LTBP1: variants seen among roughly 807,000 people sequenced by gnomAD.
LTBP1 encodes latent transforming growth factor beta binding protein 1.
LTBP1 carries 129 observed loss-of-function variants against 207.6 expected under a neutral mutation model. The ratio of observed to expected loss-of-function variants is 0.62; its 90% CI spans 0.54 to 0.72. The LOEUF (loss-of-function observed/expected upper bound fraction) is 0.72. Ranked by LOEUF, LTBP1 falls within the 30% of genes least tolerant of loss-of-function variation. The probability of loss-of-function intolerance (pLI) is 0.00; values close to 1 mark genes in which losing one functional copy is unlikely to be tolerated. For missense variants in LTBP1, 2,281 were observed against 2,217.2 expected (o/e 1.03, Z -0.58); for synonymous variants, 963 against 833.7 (o/e 1.16, Z -2.67).
chr2:33,257,179 T>G, intron 11 of LTBP1, 105 bp from the exon 12 acceptor site: 1 of 793,656 alleles, frequency 1.3e-6, no homozygotes, highest in African/African-American at 1.7e-5. Context: ...AAAATGTAAC[T>G]ACATTAGTGA....
intron 31 of LTBP1, 58 bp from the exon 32 acceptor site, chr2:33,389,118 TGCGAGGGG>T (rs1377996287): frequency 3.6e-5 from 58 of 1,606,094 alleles, no homozygotes; most frequent in Admixed American, 1.0e-4. Context: ...TGCTCTGAGC[TGCGAGGGG>T]GTGGGGCAGG....
chr2:33,264,704 T>G (rs2148098399), intron 15 of LTBP1, among the ~76,000 whole-genome samples: 1 of 152,330 alleles, frequency 6.6e-6, no homozygotes, highest in South Asian at 2.1e-4. Flanking sequence ...CAAATTAGTA[T>G]GTAAAACCCA....
rs2094719420 is a variant in LTBP1 at position 33,347,449 on chromosome 2, T to G, written c.3939T>G (p.Cys1313Trp). ...TGGAAGGGTCCTTCCTGTGCGTGTG[T>G]GCTGATGAAAACCAAGAGTACAGCC... ...ENVEGSFLCV[C>W]ADENQEYSPM... The change falls in exon 26 of 34, where the codon TGT becomes TGG. Residue 1313 changes from cysteine (C) to tryptophan (W), a missense_variant. By Grantham distance (215) the Cys-to-Trp change is radical (BLOSUM62 -2). Coordinates refer to ENST00000404816, the MANE Select transcript of LTBP1 (RefSeq NM_206943.4). The G allele has an allele frequency of 6.2e-7, 1 of 1,614,042 alleles. No homozygotes were observed. The highest frequency in any genetic ancestry group is 8.5e-7 in the Non-Finnish European group (1 of 1,180,034).
At chr2:33,089,433 T>C (rs1224987001) in intron 3 of LTBP1, among the ~76,000 whole-genome samples, 1 of 152,142 alleles carries the variant, frequency 6.6e-6, no homozygotes, top group Non-Finnish European at 1.5e-5. Flanking sequence ...TCTGGAGACA[T>C]CATTAGTTGT....
intron 3 of LTBP1, among the ~76,000 whole-genome samples, chr2:33,031,409 C>A (rs780469152): frequency 2.6e-5 from 4 of 152,212 alleles, no homozygotes; most frequent in Non-Finnish European, 4.4e-5. Flanking sequence ...TCATTCATTC[C>A]ATCAGCAGAT....
At chr2:33,356,492 AC>A (rs1375848284) in intron 26 of LTBP1, among the ~76,000 whole-genome samples, 3 of 152,162 alleles carry the variant, frequency 2.0e-5, no homozygotes, top group African/African-American at 7.2e-5. Context: ...ATCCTGGCTA[AC>A]ATGGTGAAAC....
In LTBP1 at chr2:32,947,419, TGCACCCGGGCCCCGGCCTG is replaced by T; in HGVS notation, c.99_117del (p.His33GlnfsTer7). 4.2e-6 allele frequency: 6 copies of T among 1,435,916 alleles called. No homozygotes were observed. Among genetic ancestry groups the T allele is most frequent in the Non-Finnish European group, 5.5e-6 (6 of 1,096,392 alleles). 88.9% of individuals were successfully genotyped at this position (1,435,916 alleles called of 1,614,324 possible). A position where few individuals can be genotyped will look rare whatever the true frequency, so the allele number is the denominator to read the frequency against. On this transcript the variant is annotated frameshift_variant, in exon 1 of 34. Coordinates refer to ENST00000404816, the MANE Select transcript of LTBP1 (RefSeq NM_206943.4). LOFTEE classifies it high-confidence loss of function. ...CGGCTGCGGAGGATCACCTACGTGG[TGCACCCGGGCCCCGGCCTG>T]GCAGCCGGCGCCTTGCCCCTGAGCG...
chr2:33,224,971 G>A (rs62146732), intron 9 of LTBP1, among the ~76,000 whole-genome samples: 61,537 of 151,830 alleles, frequency 0.41, 13,490 homozygotes, highest in Non-Finnish European at 0.49. Flanking sequence ...TTCTTTAGAT[G>A]CATACTTAGG....
At position 32,947,566 on chromosome 2, in the gene LTBP1, C is replaced by G; in HGVS notation, c.242C>G (p.Ser81Trp). 1 of 1,344,468 alleles carries G rather than the reference C, an allele frequency of 7.4e-7. No homozygotes were observed. Among genetic ancestry groups the G allele is most frequent in the Non-Finnish European group, 9.5e-7 (1 of 1,051,402 alleles). The allele number at this position is 1,344,468 out of a possible 1,614,324, so 83.3% of individuals were successfully genotyped here. The change falls in exon 1 of 34, where the codon TCG (serine) becomes TGG (tryptophan). Residue 81 changes from serine to tryptophan, a missense_variant. Physicochemically the swap from Ser to Trp is radical, Grantham distance 177 (BLOSUM62 -3). Transcript: ENST00000404816. Reference sequence around the variant, plus strand: ...AGCCGTGCCTCCCCCGGGGTCCCCTCGGAGAGGACCCGGCGCACGAGCAAG... The same window carrying G: ...AGCCGTGCCTCCCCCGGGGTCCCCTGGGAGAGGACCCGGCGCACGAGCAAG... ...APSRASPGVP[S>W]ERTRRTSKPG...
At chr2:33,356,660 A>G (rs1291919445) in intron 26 of LTBP1, among the ~76,000 whole-genome samples, 1 of 152,206 alleles carries the variant, frequency 6.6e-6, no homozygotes, top group Non-Finnish European at 1.5e-5. Flanking sequence ...AAAACAAAAA[A>G]CAAAAAACCA....
At chr2:33,009,809 TG>T (rs1285736962) in intron 2 of LTBP1, among the ~76,000 whole-genome samples, 4 of 152,156 alleles carry the variant, frequency 2.6e-5, no homozygotes, top group Non-Finnish European at 4.4e-5. Context: ...TCTTAGAGTT[TG>T]GGGTGGATGG....
chr2:32,950,661 G>A (rs989080681), intron 2 of LTBP1, among the ~76,000 whole-genome samples: 13 of 152,156 alleles, frequency 8.5e-5, no homozygotes, highest in Non-Finnish European at 1.9e-4. Context: ...TACCTGGGTA[G>A]GGGAGATTGC....
chr2:33,128,381 A>G (rs147724263), intron 4 of LTBP1, among the ~76,000 whole-genome samples: 3 of 152,340 alleles, frequency 2.0e-5, no homozygotes, highest in Admixed American at 6.5e-5. Context: ...CGTAGTAGAG[A>G]TGGAAGACAG....
At chr2:33,353,142 C>T (rs1444085006) in intron 26 of LTBP1, among the ~76,000 whole-genome samples, 1 of 151,968 alleles carries the variant, frequency 6.6e-6, no homozygotes, top group Non-Finnish European at 1.5e-5. Context: ...CCATGCCCAC[C>T]TAATTTTTGT....
At chr2:33,341,476 C>T (rs895075636) in intron 24 of LTBP1, among the ~76,000 whole-genome samples, 6 of 151,766 alleles carry the variant, frequency 4.0e-5, no homozygotes, top group Non-Finnish European at 7.4e-5. Context: ...CTTTGGAAGG[C>T]CGAGGCGGGC....
chr2:33,313,111 A>G (rs1372285119), intron 23 of LTBP1, among the ~76,000 whole-genome samples: 1 of 152,230 alleles, frequency 6.6e-6, no homozygotes, highest in Non-Finnish European at 1.5e-5. Context: ...AGAAGTAAAG[A>G]ATTTCACAGA....
intron 2 of LTBP1, among the ~76,000 whole-genome samples, chr2:32,966,941 A>C (rs1483875285): frequency 6.6e-6 from 1 of 152,092 alleles, no homozygotes; most frequent in African/African-American, 2.4e-5. Flanking sequence ...GAGATTTTAG[A>C]GAATTAGTAT....
In LTBP1 at chr2:33,188,835, A is replaced by C. The variant is rs1250573002; in HGVS notation, c.1685A>C (p.Glu562Ala). ...AKTQLGRCFQ[E>A]TIGSQCGKAL... ...ACACAGCTTGGCCGGTGCTTCCAGG[A>C]AACCATTGGGTCACAGGTAAACATC... Residue 562 changes from glutamate (E) to alanine (A), a missense_variant, in exon 7 of 34, where the codon GAA becomes GCA. Glu to Ala is a moderately radical substitution (Grantham distance 107). Transcript: ENST00000404816. 1 of 1,614,178 alleles carries C rather than the reference A, an allele frequency of 6.2e-7. No individual in the cohort carries two copies. Among genetic ancestry groups the C allele is most frequent in the Non-Finnish European group, 8.5e-7 (1 of 1,180,020 alleles).
At chr2:33,264,574 AATAAT>A in intron 15 of LTBP1, among the ~76,000 whole-genome samples, 1 of 152,338 alleles carries the variant, frequency 6.6e-6, no homozygotes, top group South Asian at 2.1e-4. Context: ...GAAATGGAAA[AATAAT>A]ATAATCAGAT....
Sources: gnomAD v4.1 joint callset for allele counts (sites outside exome capture counted in the v4.1 genomes callset) on GRCh38, gnomAD v4.1.1 for gene constraint, MANE v1.5 for transcripts, NCBI Gene and HGNC (gene_info 2026-07-23, HGNC 2026-07-21) for gene names.